WDPCP: variants seen among roughly 807,000 people sequenced by gnomAD.
The protein encoded by WDPCP is WD repeat-containing and planar cell polarity effector protein fritz homolog.
A neutral mutation model predicts 93.1 loss-of-function variants in WDPCP; 71 were observed. That is an observed-to-expected ratio of 0.76 (90% CI 0.63 to 0.93). The LOEUF (loss-of-function observed/expected upper bound fraction) is 0.93. Ranked by LOEUF, WDPCP falls within the 40% of genes least tolerant of loss-of-function variation. The probability of loss-of-function intolerance (pLI) is 0.00; values close to 1 mark genes in which losing one functional copy is unlikely to be tolerated. For synonymous variants in WDPCP, 315 were observed against 315.0 expected, an observed-to-expected ratio of 1.00 and a Z score of 0.00; for missense variants, 844 against 887.4, an observed-to-expected ratio of 0.95 and a Z score of 0.62.
intron 12 of WDPCP, among the ~76,000 whole-genome samples, chr2:63,338,387 A>AT (rs987842747): frequency 3.0e-4 from 46 of 151,504 alleles, no homozygotes; most frequent in African/African-American, 1.1e-3. Flanking sequence ...CCCCGTCTCT[A>AT]TTAAAGATAC....
chr2:63,344,119 G>A (rs897111635), intron 12 of WDPCP, among the ~76,000 whole-genome samples: 3 of 151,888 alleles, frequency 2.0e-5, no homozygotes, highest in Non-Finnish European at 2.9e-5. Context: ...ATATTTTAAT[G>A]TTATAACTCT....
chr2:63,391,625 T>G (rs1693257569), intron 10 of WDPCP, among the ~76,000 whole-genome samples: 1 of 152,192 alleles, frequency 6.6e-6, no homozygotes, highest in Non-Finnish European at 1.5e-5. Context: ...GACATGATTG[T>G]ACATTTAGAA....
chr2:63,480,935 C>A (rs959244673), intron 6 of WDPCP, among the ~76,000 whole-genome samples: 7 of 152,030 alleles, frequency 4.6e-5, no homozygotes, highest in Admixed American at 2.6e-4. Context: ...GAACAGTCAG[C>A]AGAGTAAACA....
intron 12 of WDPCP, among the ~76,000 whole-genome samples, chr2:63,338,327 T>A (rs1318386094): frequency 6.6e-6 from 1 of 151,680 alleles, no homozygotes; most frequent in Non-Finnish European, 1.5e-5. Flanking sequence ...GTGGATCACC[T>A]GAGGTCATGA....
intron 12 of WDPCP, among the ~76,000 whole-genome samples, chr2:63,352,578 T>C (rs769860370): frequency 5.3e-5 from 8 of 152,210 alleles, no homozygotes; most frequent in Non-Finnish European, 8.8e-5. Context: ...CAGGGAATCA[T>C]AGTAAGTTGT....
chr2:63,581,100 C>T (rs1708467574), intron 1 of WDPCP, among the ~76,000 whole-genome samples: 1 of 152,094 alleles, frequency 6.6e-6, no homozygotes, highest in African/African-American at 2.4e-5. Flanking sequence ...TAAGAGAGAG[C>T]ACTTCTCTTC....
chr2:63,265,122 C>G (rs1318705225), intron 13 of WDPCP, among the ~76,000 whole-genome samples: 1 of 152,014 alleles, frequency 6.6e-6, no homozygotes, highest in African/African-American at 2.4e-5. Flanking sequence ...AACAATCTAA[C>G]ATTACACCTC....
chr2:63,609,952 CAAGT>C (rs1444125589), intron 3 of WDPCP, among the ~76,000 whole-genome samples: 1 of 152,122 alleles, frequency 6.6e-6, no homozygotes, highest in African/African-American at 2.4e-5. Context: ...CTTGTAGAAA[CAAGT>C]AATTTTTCAC....
chr2:63,217,024 G>A (rs190179741), intron 14 of WDPCP, among the ~76,000 whole-genome samples: 14 of 152,102 alleles, frequency 9.2e-5, no homozygotes, highest in Non-Finnish European at 1.9e-4. Context: ...TCAGTGATAC[G>A]TTTTTCCTTT....
intron 1 of WDPCP, 85 bp from the exon 2 acceptor site, chr2:63,493,025 G>C: frequency 7.8e-6 from 9 of 1,149,396 alleles, no homozygotes; most frequent in Non-Finnish European, 1.2e-5. Flanking sequence ...ATAGTAAAAA[G>C]AATCATTCGC....
chr2:63,278,342 A>T (rs181801144), intron 13 of WDPCP, among the ~76,000 whole-genome samples: 5 of 152,204 alleles, frequency 3.3e-5, no homozygotes, highest in Non-Finnish European at 5.9e-5. Flanking sequence ...CTAAAGTCAC[A>T]CCTCATGGAA....
In WDPCP at chr2:63,216,466, CAA is replaced by C. The variant is rs555983657; in HGVS notation, c.1916-41636_1916-41635del. Among the ~76,000 whole-genome samples the C allele has an allele frequency of 4.3e-3, 658 of 152,186 alleles. 2 individuals are homozygous for C. The highest frequency in any genetic ancestry group is 0.015 in the African/African-American group (620 of 41,510). ...GCAAACTATCACAAGGATAGAAAAC[CAA>C]ACACCGCATGTGTTCTCACTTATAG... On this transcript the variant is annotated intron_variant, in intron 14 of 17. Coordinates refer to ENST00000272321, the MANE Select transcript of WDPCP (RefSeq NM_015910.7).
At chr2:63,290,034 T>A (rs867257931) in intron 13 of WDPCP, among the ~76,000 whole-genome samples, 47 of 149,412 alleles carry the variant, frequency 3.1e-4, no homozygotes, top group African/African-American at 7.8e-4. Context: ...TCTCTGACTT[T>A]AAAAAAAAAA....
intron 12 of WDPCP, chr2:63,377,791 ATG>A (rs1165723446): frequency 2.1e-5 from 1 of 48,330 alleles, no homozygotes; most frequent in Non-Finnish European, 3.1e-5. Context: ...TCTGAACTTC[ATG>A]TATATATATA....
intron 2 of WDPCP, among the ~76,000 whole-genome samples, chr2:63,721,147 T>C (rs540160507): frequency 3.0e-4 from 46 of 152,238 alleles, no homozygotes; most frequent in Non-Finnish European, 5.3e-4. Context: ...TTTAGATACA[T>C]GAGTCAAGGA....
intron 9 of WDPCP, among the ~76,000 whole-genome samples, chr2:63,422,771 T>C (rs866756842): frequency 3.3e-5 from 5 of 152,106 alleles, no homozygotes; most frequent in African/African-American, 1.2e-4. Flanking sequence ...ACTACTAACT[T>C]GAGGAATTTT....
intron 11 of WDPCP, among the ~76,000 whole-genome samples, chr2:63,381,569 TA>T: frequency 6.6e-6 from 1 of 152,162 alleles, no homozygotes; most frequent in East Asian, 1.9e-4. Flanking sequence ...GCCCTTTGTC[TA>T]GCAGACCCCA....
chr2:63,756,268 G>A (rs1022775567), intron 2 of WDPCP, among the ~76,000 whole-genome samples: 3 of 152,132 alleles, frequency 2.0e-5, no homozygotes, highest in Non-Finnish European at 4.4e-5. Context: ...GACTACACTT[G>A]ATTGGAATGA....
At chr2:63,440,576 T>C (rs1697444023) in intron 6 of WDPCP, 1 of 152,538 alleles carries the variant, frequency 6.6e-6, no homozygotes, top group African/African-American at 2.4e-5. Context: ...TATAATTTTA[T>C]ACTGCTCCTT....
Sources: gnomAD v4.1 joint callset for allele counts (sites outside exome capture counted in the v4.1 genomes callset) on GRCh38, gnomAD v4.1.1 for gene constraint, MANE v1.5 for transcripts, NCBI Gene and HGNC (gene_info 2026-07-23, HGNC 2026-07-21) for gene names.